SPINDOC: variants seen among roughly 807,000 people sequenced by gnomAD.
SPINDOC encodes spindlin interactor and repressor of chromatin binding.
In SPINDOC, 13 loss-of-function variants were observed where a neutral mutation model predicts 30.7. The ratio of observed to expected loss-of-function variants is 0.42; its 90% CI spans 0.28 to 0.67. The LOEUF (loss-of-function observed/expected upper bound fraction) is 0.67. SPINDOC is among the 30% of genes least tolerant of loss of function. The pLI, the probability that SPINDOC is intolerant of heterozygous loss-of-function variation, is 0.22. For synonymous variants in SPINDOC, 228 were observed against 211.4 expected, an observed-to-expected ratio of 1.08 and a Z score of -0.68; for missense variants, 438 against 518.0, an observed-to-expected ratio of 0.85 and a Z score of 1.50.
intron 1 of SPINDOC, among the ~76,000 whole-genome samples, chr11:63,816,778 G>A (rs1028492471): frequency 8.5e-5 from 13 of 152,302 alleles, no homozygotes; most frequent in African/African-American, 2.6e-4. Context: ...GTCTGTCTGT[G>A]TACACAAAGA....
intron 1 of SPINDOC, among the ~76,000 whole-genome samples, chr11:63,814,118 C>T (rs1324458143): frequency 6.6e-6 from 1 of 152,244 alleles, no homozygotes; most frequent in African/African-American, 2.4e-5. Flanking sequence ...CCGGGCCCAG[C>T]ACCAGAGGCC....
rs2135143909 is a variant in SPINDOC at position 63,818,911 on chromosome 11, C to T, written c.843C>T (p.His281=). The stretch of plus-strand genomic sequence containing the variant: ...GCTTCGTCTTGCAGCTCTTCTCCCA[C>T]ACCCAGCTCAGGGGCCCAGACAGCA... ...PAGFVLQLFS[H]TQLRGPDSKD... is the part of the protein sequence containing the mutation. The change falls in exon 5 of 6, where the codon CAC becomes CAT. Residue 281 remains histidine, a synonymous_variant. Coordinates refer to ENST00000294244, the MANE Select transcript of SPINDOC (RefSeq NM_138471.3). The surrounding 1 kb of genome is among the most constrained non-coding windows in gnomAD (Gnocchi z 5.3). 1 of 1,614,218 alleles carries T rather than the reference C, an allele frequency of 6.2e-7. No individual in the cohort carries two copies. The highest frequency in any genetic ancestry group is 8.5e-7 in the Non-Finnish European group (1 of 1,180,048).
Position 63,813,729 on chromosome 11 carries a change from G to A in SPINDOC, c.43G>A (p.Val15Met). The A allele has an allele frequency of 6.3e-7, 1 of 1,596,454 alleles. No individual in the cohort carries two copies. The highest frequency in any genetic ancestry group is 8.5e-7 in the Non-Finnish European group (1 of 1,173,286). Reference sequence around the variant, plus strand: ...GGGCGCCGCACTCGACTGCTTCGAGGTGACGCTGAAATGCGAGGAAGGGGA... The same window carrying A: ...GGGCGCCGCACTCGACTGCTTCGAGATGACGCTGAAATGCGAGGAAGGGGA... ...AEGAALDCFE[V>M]TLKCEEGEDE... The change falls in exon 1 of 6, where the codon GTG (valine) becomes ATG (methionine). Residue 15 changes from valine (V) to methionine (M), a missense_variant. Physicochemically the swap from Val to Met is conservative, Grantham distance 21. Around this residue, in one of 3 missense-constraint regions of SPINDOC, gnomAD observed 129 missense variants for 152.7 expected, o/e 0.84. Coordinates refer to ENST00000294244, the MANE Select transcript of SPINDOC (RefSeq NM_138471.3).
intron 1 of SPINDOC, among the ~76,000 whole-genome samples, 163 bp from the exon 2 acceptor site, chr11:63,817,642 G>A (rs2015377697): frequency 6.6e-6 from 1 of 152,198 alleles, no homozygotes; most frequent in Admixed American, 6.5e-5. Context: ...GCTGTGTTGA[G>A]TGTGGCGTGT....
chr11:63,818,029 T>C lies in SPINDOC; in HGVS notation c.352T>C (p.Leu118=), dbSNP rs1383011514. ...CATCTTGGAGCAGCACCCTCACACC[T>C]TGGACCTGAGCCCTTCTGAGAAGAG... ...SHILEQHPHT[L]DLSPSEKSNI... is the part of the protein sequence containing the mutation. Residue 118 remains leucine, a synonymous_variant, in exon 2 of 6, where the codon TTG becomes CTG. Transcript: ENST00000294244. This position sits in a 1 kb window ranked among gnomAD's most constrained non-coding sequence, Gnocchi z 5.3. The C allele has an allele frequency of 6.2e-7, 1 of 1,614,178 alleles. No individual in the cohort carries two copies. Among genetic ancestry groups the C allele is most frequent in the South Asian group, 1.1e-5 (1 of 91,084 alleles).
intron 5 of SPINDOC, among the ~76,000 whole-genome samples, chr11:63,825,510 A>G (rs1438836306): frequency 6.6e-6 from 1 of 152,140 alleles, no homozygotes; most frequent in Non-Finnish European, 1.5e-5. Context: ...TTATTTGTTT[A>G]TCCTATTTAT....
In SPINDOC at chr11:63,817,939, C is replaced by A. The variant is rs755833819; in HGVS notation, c.262C>A (p.Arg88=). Reference sequence around the variant, plus strand: ...GGGCAGCAGCCCAGGAGGCAGCGGGCGGGCACTGTGCATGGTGTGTGGCGC... The same window carrying A: ...GGGCAGCAGCCCAGGAGGCAGCGGGAGGGCACTGTGCATGGTGTGTGGCGC... ...LVGSSPGGSG[R]ALCMVCGAEI... The change falls in exon 2 of 6, where the codon CGG becomes AGG. Residue 88 remains arginine (R), a synonymous_variant. Coordinates refer to ENST00000294244, the MANE Select transcript of SPINDOC (RefSeq NM_138471.3). The A allele has an allele frequency of 6.2e-7, 1 of 1,614,072 alleles. No homozygotes were observed. The highest frequency in any genetic ancestry group is 8.5e-7 in the Non-Finnish European group (1 of 1,180,004).
chr11:63,823,575 CCT>C (rs1266793453), intron 5 of SPINDOC, among the ~76,000 whole-genome samples: 1 of 152,018 alleles, frequency 6.6e-6, no homozygotes, highest in Non-Finnish European at 1.5e-5. Flanking sequence ...GAAAGAGGAG[CCT>C]CTCTGTCTTG....
At chr11:63,825,068 G>A (rs934347922) in intron 5 of SPINDOC, among the ~76,000 whole-genome samples, 1 of 152,214 alleles carries the variant, frequency 6.6e-6, no homozygotes, top group Non-Finnish European at 1.5e-5. Context: ...TCTCCTGGCT[G>A]CTGAGCTTTG....
chr11:63,813,693 C>T lies in SPINDOC; in HGVS notation c.7C>T (p.Leu3=), dbSNP rs2015257100. ...TATCGCCCACGGCCGCACCATGGCC[C>T]TAAAGGCCGAGGGCGCCGCACTCGA... MA[L]KAEGAALDCF... The change falls in exon 1 of 6, where the codon CTA becomes TTA. Residue 3 remains leucine, a synonymous_variant. Coordinates refer to ENST00000294244, the MANE Select transcript of SPINDOC (RefSeq NM_138471.3). 6.4e-7 allele frequency: 1 copy of T among 1,572,570 alleles called. No homozygotes were observed. The highest frequency in any genetic ancestry group is 1.2e-5 in the South Asian group (1 of 86,678).
rs1004014803 is a variant in SPINDOC at position 63,827,651 on chromosome 11, C to T, written c.*512C>T. On this transcript the variant is annotated 3_prime_UTR_variant, in exon 6 of 6. Coordinates refer to ENST00000294244, the MANE Select transcript of SPINDOC (RefSeq NM_138471.3). The stretch of plus-strand genomic sequence containing the variant: ...TGGGCACCCCATTCACTCCCGTTCT[C>T]ATTTACATCTGTTTTCCTGTTGTAT... 1.8e-5 allele frequency: 3 copies of T among 169,068 alleles called. No homozygotes were observed. Among genetic ancestry groups the T allele is most frequent in the African/African-American group, 7.1e-5 (3 of 42,212 alleles). The allele number at this position is 169,068 out of a possible 1,614,324, so 10.5% of individuals were successfully genotyped here.
chr11:63,818,974 C>A lies in SPINDOC; in HGVS notation c.906C>A (p.Gly302=). 2 of 1,613,986 alleles carry A rather than the reference C, an allele frequency of 1.2e-6. No individual in the cohort carries two copies. Among genetic ancestry groups the A allele is most frequent in the Non-Finnish European group, 1.7e-6 (2 of 1,180,030 alleles). ...SPKDREVAEG[G]LPRAESPSPA... is the part of the protein sequence containing the mutation. ...AAGACAGGGAAGTGGCAGAAGGAGG[C>A]CTTCCCCGGGCGGAGAGCCCCTCTC... The change falls in exon 5 of 6, where the codon GGC becomes GGA. Residue 302 remains glycine, a synonymous_variant. Transcript: ENST00000294244. The surrounding 1 kb of genome is among the most constrained non-coding windows in gnomAD (Gnocchi z 5.3).
chr11:63,826,087 C>T (rs764390747), intron 5 of SPINDOC, among the ~76,000 whole-genome samples: 1 of 152,050 alleles, frequency 6.6e-6, no homozygotes, highest in African/African-American at 2.4e-5. Context: ...TAGAGGGGTG[C>T]ACCACTATGC....
chr11:63,825,425 A>T (rs2015631642), intron 5 of SPINDOC, among the ~76,000 whole-genome samples: 1 of 152,068 alleles, frequency 6.6e-6, no homozygotes, highest in African/African-American at 2.4e-5. Context: ...GCTTTCTGCT[A>T]TCCTATTATC....
At position 63,813,760 on chromosome 11, in the gene SPINDOC, A is replaced by G. The variant is rs746316606; in HGVS notation, c.74A>G (p.Glu25Gly). The G allele has an allele frequency of 3.1e-6, 5 of 1,592,862 alleles. No individual in the cohort carries two copies. Among genetic ancestry groups the G allele is most frequent in the Non-Finnish European group, 4.3e-6 (5 of 1,170,930 alleles). The change falls in exon 1 of 6, where the codon GAG becomes GGG. Residue 25 changes from glutamate to glycine, a missense_variant. Glu to Gly is a moderately conservative substitution (Grantham distance 98). Around this residue, in one of 3 missense-constraint regions of SPINDOC, gnomAD observed 129 missense variants for 152.7 expected, o/e 0.84. Transcript: ENST00000294244. Reference protein sequence around the residue: ...VTLKCEEGEDEEEAMVVAVIP... With the variant: ...VTLKCEEGEDGEEAMVVAVIP... ...CTGAAATGCGAGGAAGGGGAGGACG[A>G]GGAGGAGGCCATGGTGGTGGCCGTA...
intron 1 of SPINDOC, among the ~76,000 whole-genome samples, chr11:63,816,646 G>A (rs2015347705): frequency 6.6e-6 from 1 of 152,198 alleles, no homozygotes; most frequent in South Asian, 2.1e-4. Flanking sequence ...GAAGGTAGGA[G>A]GGAGATGCAG....
rs763536245 is a variant in SPINDOC, at chr11:63,818,356, G to A, written c.598G>A (p.Glu200Lys). The change falls in exon 3 of 6, where the codon GAG becomes AAG. Residue 200 changes from glutamate to lysine, a missense_variant. Physicochemically the swap from Glu to Lys is moderately conservative, Grantham distance 56. This residue lies in a region of SPINDOC where 300 missense variants were observed against 332.8 expected (regional missense o/e 0.90). Transcript: ENST00000294244. This position sits in a 1 kb window ranked among gnomAD's most constrained non-coding sequence, Gnocchi z 5.3. Reference protein sequence around the residue: ...RSRPRGLRPLELPAVPATEPG... With the variant: ...RSRPRGLRPLKLPAVPATEPG... ...CCGGCCCAGGGGACTCCGCCCCCTCGAGCTTCCTGGTTAGTCAACAGAGAA... is the reference window on the plus strand; with the variant it reads ...CCGGCCCAGGGGACTCCGCCCCCTCAAGCTTCCTGGTTAGTCAACAGAGAA... 5 of 1,613,756 alleles carry A rather than the reference G, an allele frequency of 3.1e-6. No individual in the cohort carries two copies. Among genetic ancestry groups the A allele is most frequent in the East Asian group, 2.2e-5 (1 of 44,850 alleles).
chr11:63,827,620 T>C lies in SPINDOC; in HGVS notation c.*481T>C. On this transcript the variant is annotated 3_prime_UTR_variant, in exon 6 of 6. Coordinates refer to ENST00000294244, the MANE Select transcript of SPINDOC (RefSeq NM_138471.3). ...TCCCACCCCTGCAGAGGCCTGAAGC[T>C]GGGCCTGGGCACCCCATTCACTCCC... 5.5e-6 allele frequency: 1 copy of C among 180,506 alleles called. No homozygotes were observed. The highest frequency in any genetic ancestry group is 1.2e-5 in the Non-Finnish European group (1 of 83,500). 11.2% of individuals were successfully genotyped at this position (180,506 alleles called of 1,614,324 possible).
rs750264356 is a variant in SPINDOC at position 63,827,172 on chromosome 11, G to C, written c.*33G>C. 4.7e-5 allele frequency: 76 copies of C among 1,606,036 alleles called. No individual in the cohort carries two copies. The Middle Eastern group carries it at 6.6e-4, about 14-fold the overall frequency. ...CTTTCCTGGGGAGGGAGGGAGGGATGAGGCAGCGTCCCCCAGTGGCTTATA... is the reference window on the plus strand; with the variant it reads ...CTTTCCTGGGGAGGGAGGGAGGGATCAGGCAGCGTCCCCCAGTGGCTTATA... On this transcript the variant is annotated 3_prime_UTR_variant, in exon 6 of 6. Transcript: ENST00000294244.
Sources: allele counts gnomAD v4.1 joint callset (sites outside exome capture counted in the v4.1 genomes callset), GRCh38; gene constraint gnomAD v4.1.1; regional missense constraint gnomAD v4.1.1; non-coding constraint Gnocchi (gnomAD v3.1); transcripts MANE v1.5; gene names NCBI Gene and HGNC (gene_info 2026-07-23, HGNC 2026-07-21).